Variants in SDK1 observed in about 807,000 individuals in gnomAD.
SDK1 encodes sidekick cell adhesion molecule 1.
SDK1 carries 157 observed loss-of-function variants against 245.5 expected under a neutral mutation model. That is an observed-to-expected ratio of 0.64 (90% CI 0.56 to 0.73). The LOEUF is 0.73. Among genes scored for constraint, SDK1 ranks in the 30% least tolerant of loss-of-function variants. SDK1 has a pLI of 0.00. For missense variants in SDK1, 3,583 were observed against 3,002.3 expected, an observed-to-expected ratio of 1.19 and a Z score of -4.52; for synonymous variants, 1,647 against 1,278.5, an observed-to-expected ratio of 1.29 and a Z score of -6.15.
intron 4 of SDK1, among the ~76,000 whole-genome samples, chr7:3,783,944 T>A (rs1459432808): frequency 1.3e-5 from 2 of 151,122 alleles, no homozygotes; most frequent in African/African-American, 4.9e-5. Flanking sequence ...CTACCTGGTT[T>A]CAAACTATAC....
At chr7:3,496,393 C>T (rs1002298875) in intron 1 of SDK1, among the ~76,000 whole-genome samples, 7 of 150,950 alleles carry the variant, frequency 4.6e-5, no homozygotes, top group Non-Finnish European at 7.4e-5. Context: ...ATTTTATCTT[C>T]TTTTTATTCT....
chr7:3,496,833 C>T (rs927621272), intron 1 of SDK1, among the ~76,000 whole-genome samples: 2 of 152,142 alleles, frequency 1.3e-5, no homozygotes, highest in African/African-American at 4.8e-5. Context: ...ATTTCTCCTG[C>T]AGGCTAGAAG....
At chr7:3,577,083 A>G (rs1780318022) in intron 1 of SDK1, among the ~76,000 whole-genome samples, 1 of 151,846 alleles carries the variant, frequency 6.6e-6, no homozygotes, top group Non-Finnish European at 1.5e-5. Context: ...CAGCACACAC[A>G]TCCTCCTGGA....
At chr7:3,475,964 T>C (rs543444414) in intron 1 of SDK1, 9 of 152,676 alleles carry the variant, frequency 5.9e-5, no homozygotes, top group Non-Finnish European at 1.2e-4. Flanking sequence ...TTAATTTAGT[T>C]TTAAATGCTG....
chr7:4,128,803 C>A (rs1317646780), intron 26 of SDK1, among the ~76,000 whole-genome samples: 3 of 54,488 alleles, frequency 5.5e-5, no homozygotes, highest in South Asian at 6.8e-4. Context: ...GAGGAGAGCA[C>A]CTTGGGGTAG....
intron 4 of SDK1, among the ~76,000 whole-genome samples, chr7:3,752,965 C>A (rs1238113527): frequency 6.6e-6 from 1 of 152,134 alleles, no homozygotes; most frequent in East Asian, 1.9e-4. Flanking sequence ...TAAATTCCAT[C>A]CCTCCCAAAT....
intron 4 of SDK1, among the ~76,000 whole-genome samples, chr7:3,759,310 T>G (rs1279663094): frequency 1.3e-5 from 2 of 152,178 alleles, no homozygotes; most frequent in African/African-American, 2.4e-5. Flanking sequence ...AATGCTCATG[T>G]TGGTGGCTAT....
At chr7:3,541,218 G>T (rs1476046701) in intron 1 of SDK1, among the ~76,000 whole-genome samples, 1 of 152,210 alleles carries the variant, frequency 6.6e-6, no homozygotes, top group Non-Finnish European at 1.5e-5. Flanking sequence ...TATGTTAATT[G>T]TCGAGAGTTT....
chr7:3,528,236 T>G (rs908672005), intron 1 of SDK1, among the ~76,000 whole-genome samples: 7 of 115,706 alleles, frequency 6.0e-5, no homozygotes, highest in Non-Finnish European at 1.2e-4. Flanking sequence ...GGAGGTAATG[T>G]TGGATGATAT....
chr7:3,452,263 G>C (rs548619918), intron 1 of SDK1, among the ~76,000 whole-genome samples: 4 of 152,284 alleles, frequency 2.6e-5, no homozygotes, highest in Non-Finnish European at 5.9e-5. Flanking sequence ...GATGGTGCTA[G>C]ATACCCCAGA....
intron 13 of SDK1, among the ~76,000 whole-genome samples, chr7:3,983,997 GCTTT>G (rs2128137979): frequency 6.6e-6 from 1 of 152,288 alleles, no homozygotes; most frequent in Admixed American, 6.5e-5. Flanking sequence ...AGACTAGTTT[GCTTT>G]CTAAGTTTTT....
At chr7:3,937,768 G>A (rs951722668) in intron 5 of SDK1, among the ~76,000 whole-genome samples, 1 of 152,232 alleles carries the variant, frequency 6.6e-6, no homozygotes, top group Admixed American at 6.5e-5. Flanking sequence ...CCTCAGATGG[G>A]CATCAGTTGC....
chr7:3,753,643 A>G (rs1256835524), intron 4 of SDK1, among the ~76,000 whole-genome samples: 6 of 152,290 alleles, frequency 3.9e-5, no homozygotes, highest in East Asian at 1.9e-4. Context: ...TCTCCCGACA[A>G]TTCTGTAAAC....
chr7:3,889,251 C>A (rs550599090), intron 5 of SDK1, among the ~76,000 whole-genome samples: 4 of 152,198 alleles, frequency 2.6e-5, no homozygotes, highest in Admixed American at 1.3e-4. Flanking sequence ...CAGATAGACT[C>A]CTGTGTCCAA....
At chr7:4,215,712 C>T (rs900661904) in intron 38 of SDK1, among the ~76,000 whole-genome samples, 1 of 152,208 alleles carries the variant, frequency 6.6e-6, no homozygotes, top group African/African-American at 2.4e-5. Flanking sequence ...GTTTGGTTCA[C>T]AGCCGTGCAT....
At chr7:3,704,902 A>G (rs557539338) in intron 4 of SDK1, among the ~76,000 whole-genome samples, 1 of 152,320 alleles carries the variant, frequency 6.6e-6, no homozygotes, top group South Asian at 2.1e-4. Flanking sequence ...ATTCTTCTAC[A>G]TGTGGCTAGC....
At chr7:3,411,861 A>G (rs1314627249) in intron 1 of SDK1, among the ~76,000 whole-genome samples, 1 of 152,140 alleles carries the variant, frequency 6.6e-6, no homozygotes, top group East Asian at 1.9e-4. Flanking sequence ...TTCACTAGGT[A>G]TGAACCCATT....
chr7:3,569,626 G>A (rs117158738), intron 1 of SDK1, among the ~76,000 whole-genome samples: 4 of 152,310 alleles, frequency 2.6e-5, no homozygotes, highest in East Asian at 3.9e-4. Context: ...CACTTCCAAC[G>A]TGATCTACAG....
intron 32 of SDK1, among the ~76,000 whole-genome samples, chr7:4,169,961 C>T (rs1264924489): frequency 1.3e-5 from 2 of 152,296 alleles, no homozygotes; most frequent in South Asian, 4.1e-4. Context: ...TTCCTTGGGG[C>T]TCAGTACAGA....
Sources: gnomAD v4.1 joint callset for allele counts (sites outside exome capture counted in the v4.1 genomes callset) on GRCh38, gnomAD v4.1.1 for gene constraint, MANE v1.5 for transcripts, NCBI Gene and HGNC (gene_info 2026-07-23, HGNC 2026-07-21) for gene names.